The following TAF15 variants were observed in gnomAD, a reference collection of about 807,000 sequenced individuals.
TAF15 encodes TATA-box binding protein associated factor 15.
TAF15 carries 37 observed loss-of-function variants against 102.5 expected under a neutral mutation model. The observed-to-expected ratio is 0.36, with a 90% CI of 0.28 to 0.47. The LOEUF (loss-of-function observed/expected upper bound fraction) is 0.47. Among genes scored for constraint, TAF15 ranks in the 20% least tolerant of loss-of-function variants. TAF15 has a pLI of 0.99. For synonymous variants in TAF15, 273 were observed against 259.2 expected, an observed-to-expected ratio of 1.05 and a Z score of -0.51; for missense variants, 652 against 760.7, an observed-to-expected ratio of 0.86 and a Z score of 1.68.
rs1452778860 is a variant in TAF15, at chr17:35,834,589, A to G, written c.664A>G (p.Thr222Ala). 1 of 1,613,274 alleles carries G rather than the reference A, an allele frequency of 6.2e-7. No individual in the cohort carries two copies. The highest frequency in any genetic ancestry group is 1.3e-5 in the African/African-American group (1 of 74,744). ...FGGHRDYGPR[T>A]DADSESDNSD... ...AGGTCACAGGGATTATGGACCCAGA[A>G]CAGATGCTGGTAAGGTTTATGGTGG... Residue 222 changes from threonine to alanine, a missense_variant, in exon 9 of 16, where the codon ACA (threonine) becomes GCA (alanine). Physicochemically the swap from Thr to Ala is moderately conservative, Grantham distance 58 (BLOSUM62 0). Around this residue, in one of 3 missense-constraint regions of TAF15, gnomAD observed 243 missense variants for 284.1 expected, o/e 0.86. Coordinates refer to ENST00000605844, the MANE Select transcript of TAF15 (RefSeq NM_139215.3).
chr17:35,825,932 C>T (rs1027142292), intron 7 of TAF15, among the ~76,000 whole-genome samples: 5 of 150,866 alleles, frequency 3.3e-5, no homozygotes, highest in African/African-American at 9.8e-5. Context: ...CCAGCCTGGG[C>T]GACAGAGCAA....
rs35907284 is a variant in TAF15 at position 35,824,241 on chromosome 17, C to CTT, written c.605+56_605+57dup. The CTT allele has an allele frequency of 9.5e-3, 13,610 of 1,430,706 alleles. 1 individual carries two copies. Among genetic ancestry groups the CTT allele is most frequent in the South Asian group, 0.025 (1,923 of 76,940 alleles). 88.6% of individuals were successfully genotyped at this position (1,430,706 alleles called of 1,614,324 possible). On this transcript the variant is annotated intron_variant, in intron 7 of 15. Coordinates refer to ENST00000605844, the MANE Select transcript of TAF15 (RefSeq NM_139215.3). ...GATGCGTACATTTCTTCTTCTTCCTCTTTTTTTTTTTTTTAAGGTGTTACT... is the reference window on the plus strand; with the variant it reads ...GATGCGTACATTTCTTCTTCTTCCTCTTTTTTTTTTTTTTTTAAGGTGTTACT...
In TAF15 at chr17:35,833,027, C is replaced by T. The variant is rs112903425; in HGVS notation, c.606-880C>T. On this transcript the variant is annotated intron_variant, in intron 7 of 15. Coordinates refer to ENST00000605844, the MANE Select transcript of TAF15 (RefSeq NM_139215.3). ...CAGAAGTTACCTGGGTGTGGCGACA[C>T]GCATCTGTAATCCCAGCTACTAGGG... 8.9e-3 allele frequency among the ~76,000 whole-genome samples: 1,355 copies of T among 152,084 alleles called. 9 individuals carry two copies. Among genetic ancestry groups the T allele is most frequent in the Non-Finnish European group, 0.014 (970 of 67,996 alleles).
intron 10 of TAF15, 126 bp from the exon 11 acceptor site, chr17:35,838,298 G>C: frequency 7.9e-7 from 1 of 1,258,384 alleles, no homozygotes; most frequent in Non-Finnish European, 1.1e-6. Context: ...AACTTATTAG[G>C]TGCATAGTAT....
chr17:35,839,686 T>C (rs2087520658), intron 11 of TAF15, among the ~76,000 whole-genome samples: 1 of 151,766 alleles, frequency 6.6e-6, no homozygotes, highest in South Asian at 2.1e-4. Flanking sequence ...CCGGCCGAGA[T>C]GCTTTTTTTA....
intron 1 of TAF15, among the ~76,000 whole-genome samples, chr17:35,814,727 C>T (rs1170798094): frequency 1.3e-5 from 2 of 151,780 alleles, no homozygotes; most frequent in African/African-American, 4.8e-5. Flanking sequence ...GTGGTGGGCA[C>T]CTGTAATCCC....
In TAF15 at chr17:35,844,980, G is replaced by A. The variant is rs1379894925; in HGVS notation, c.1681G>A (p.Asp561Asn). 4 of 1,611,588 alleles carry A rather than the reference G, an allele frequency of 2.5e-6. No homozygotes were observed. The Admixed American group carries it at 6.7e-5, about 27-fold the overall frequency. ...GDRSGGGYGG[D>N]RGGGYGGDRG... ...CAGGAGTGGTGGCGGCTATGGAGGA[G>A]ACCGAGGTGGGGGCTACGGAGGAGA... is the stretch of plus-strand genomic sequence containing the variant. The change falls in exon 15 of 16, where the codon GAC becomes AAC. Residue 561 changes from aspartate (D) to asparagine (N), a missense_variant. Around this residue, in one of 3 missense-constraint regions of TAF15, gnomAD observed 368 missense variants for 367.5 expected, o/e 1.00. Coordinates refer to ENST00000605844, the MANE Select transcript of TAF15 (RefSeq NM_139215.3).
intron 7 of TAF15, among the ~76,000 whole-genome samples, chr17:35,828,803 A>G (rs988505020): frequency 2.0e-5 from 3 of 151,562 alleles, no homozygotes; most frequent in African/African-American, 7.3e-5. Context: ...AAAGTACTGT[A>G]CATTCCTTTT....
At chr17:35,814,429 A>G (rs1244162943) in intron 1 of TAF15, among the ~76,000 whole-genome samples, 5 of 151,896 alleles carry the variant, frequency 3.3e-5, no homozygotes, top group Non-Finnish European at 5.9e-5. Context: ...CAGCCTCCCA[A>G]AGTGCTGGGA....
At chr17:35,814,437 G>A (rs868558648) in intron 1 of TAF15, among the ~76,000 whole-genome samples, 29 of 151,912 alleles carry the variant, frequency 1.9e-4, no homozygotes, top group Middle Eastern at 6.8e-3. Context: ...CAAAGTGCTG[G>A]GATTACAGGC....
intron 11 of TAF15, among the ~76,000 whole-genome samples, chr17:35,839,814 C>T (rs1173374687): frequency 6.6e-6 from 1 of 151,970 alleles, no homozygotes; most frequent in Admixed American, 6.6e-5. Flanking sequence ...TGTAATACTC[C>T]AAATAGAGTT....
Position 35,846,847 on chromosome 17 carries a change from A to G in TAF15, c.1740-59A>G, listed in dbSNP as rs556049207. On this transcript the variant is annotated intron_variant, in intron 15 of 15. Coordinates refer to ENST00000605844, the MANE Select transcript of TAF15 (RefSeq NM_139215.3). ...TCACTAGTACCCTGAAGAAGTGTCT[A>G]ATGCTCCCCCTTCGTAGAAAATTAG... 1.1e-5 allele frequency: 18 copies of G among 1,586,574 alleles called. No individual in the cohort carries two copies. The South Asian group carries it at 1.8e-4, about 16-fold the overall frequency.
Position 35,833,939 on chromosome 17 carries a change from G to C in TAF15, c.638G>C (p.Gly213Ala). The C allele has an allele frequency of 6.2e-7, 1 of 1,613,814 alleles. No homozygotes were observed. The highest frequency in any genetic ancestry group is 8.5e-7 in the Non-Finnish European group (1 of 1,179,972). ...GGDRGGFKNF[G>A]GHRDYGPRTD... ...GACCGCGGTGGCTTCAAAAATTTTG[G>C]TGGTAAGTGCTGAGTATCCCAAAAT... Residue 213 changes from glycine to alanine, a missense_variant and splice_region_variant, in exon 8 of 16, where the codon GGT (glycine) becomes GCT (alanine). By Grantham distance (60) the Gly-to-Ala change is moderately conservative. This residue lies in a region of TAF15 where 243 missense variants were observed against 284.1 expected (regional missense o/e 0.86). Transcript: ENST00000605844.
chr17:35,846,545 G>GT (rs1333165730), intron 15 of TAF15, among the ~76,000 whole-genome samples: 1 of 152,130 alleles, frequency 6.6e-6, no homozygotes, highest in Non-Finnish European at 1.5e-5. Flanking sequence ...AGGTCACATA[G>GT]TAAGTGGCAG....
At chr17:35,825,175 G>A (rs1024312812) in intron 7 of TAF15, among the ~76,000 whole-genome samples, 5 of 152,188 alleles carry the variant, frequency 3.3e-5, no homozygotes, top group Non-Finnish European at 7.3e-5. Context: ...CTTCAAGTGA[G>A]CCAGGATTTG....
intron 10 of TAF15, 129 bp downstream of exon 10, chr17:35,836,370 T>G: frequency 1.5e-6 from 1 of 681,584 alleles, no homozygotes; most frequent in Admixed American, 2.5e-5. Flanking sequence ...CATGCTCGTT[T>G]ATGTCTGTAG....
chr17:35,837,896 AC>A (rs1424767865), intron 10 of TAF15, among the ~76,000 whole-genome samples: 1 of 152,136 alleles, frequency 6.6e-6, no homozygotes, highest in African/African-American at 2.4e-5. Flanking sequence ...GAAATTATAA[AC>A]TGGATGTGGT....
At chr17:35,825,715 G>C (rs1281123475) in intron 7 of TAF15, among the ~76,000 whole-genome samples, 1 of 152,114 alleles carries the variant, frequency 6.6e-6, no homozygotes, top group Admixed American at 6.5e-5. Context: ...TTGGGAGGCC[G>C]AGGCGGGCGG....
At chr17:35,823,790 C>A in intron 6 of TAF15, 2 of 386,826 alleles carry the variant, frequency 5.2e-6, no homozygotes, top group East Asian at 5.7e-5. Flanking sequence ...TGTATTTTAA[C>A]TCATACTGTT....
Sources: gnomAD v4.1 joint callset for allele counts (sites outside exome capture counted in the v4.1 genomes callset) on GRCh38, gnomAD v4.1.1 for gene constraint, gnomAD v4.1.1 regional missense constraint, MANE v1.5 for transcripts, NCBI Gene and HGNC (gene_info 2026-07-23, HGNC 2026-07-21) for gene names.